The following PLEKHA7 variants were observed in gnomAD, a reference collection of about 807,000 sequenced individuals.
PLEKHA7 encodes pleckstrin homology domain containing A7.
A neutral mutation model predicts 170.0 loss-of-function variants in PLEKHA7; 104 were observed. That is an observed-to-expected ratio of 0.61 (90% CI 0.52 to 0.72). PLEKHA7 has a LOEUF of 0.72. PLEKHA7 is among the 30% of genes least tolerant of loss of function. The pLI is 0.00. For synonymous variants in PLEKHA7, 648 were observed against 660.8 expected (o/e 0.98, Z 0.30); for missense variants, 1,615 against 1,671.7 (o/e 0.97, Z 0.59).
Position 17,014,041 on chromosome 11 carries a change from G to A in PLEKHA7, c.169C>T (p.Pro57Ser), listed in dbSNP as rs1419072025. Reference sequence around the variant, plus strand: ...GTGAAGCCCTCCTCCCAGCCGCGGGGCAGGTCTGCGGAAACGCCAGAAAAG... The same window carrying A: ...GTGAAGCCCTCCTCCCAGCCGCGGGACAGGTCTGCGGAAACGCCAGAAAAG... ...NSGHMIRSDL[P>S]RGWEEGFTEE... is the part of the protein sequence containing the mutation. The change falls in exon 3 of 27, where the codon CCC becomes TCC. Residue 57 changes from proline to serine, a missense_variant. Coordinates refer to ENST00000531066, the MANE Select transcript of PLEKHA7 (RefSeq NM_001329630.2). The A allele has an allele frequency of 1.3e-6, 2 of 1,561,170 alleles. No homozygotes were observed. Among genetic ancestry groups the A allele is most frequent in the Admixed American group, 1.9e-5 (1 of 52,362 alleles).
chr11:16,992,078 C>CA (rs1864077098), intron 3 of PLEKHA7, among the ~76,000 whole-genome samples: 2 of 151,676 alleles, frequency 1.3e-5, no homozygotes, highest in African/African-American at 2.4e-5. Flanking sequence ...TCCAGGGACC[C>CA]CCCCCAGCCT....
At chr11:16,826,828 G>A (rs960786450) in intron 9 of PLEKHA7, among the ~76,000 whole-genome samples, 2 of 152,162 alleles carry the variant, frequency 1.3e-5, no homozygotes, top group Non-Finnish European at 2.9e-5. Context: ...AGGATCTTAT[G>A]CTGACCCCAC....
chr11:16,932,209 A>T (rs1481254108), intron 3 of PLEKHA7, among the ~76,000 whole-genome samples: 1 of 152,212 alleles, frequency 6.6e-6, no homozygotes, highest in Non-Finnish European at 1.5e-5. Flanking sequence ...ATGAAGATTA[A>T]ATAACAGAAT....
At chr11:16,785,278 A>G (rs1174611185) in intron 24 of PLEKHA7, among the ~76,000 whole-genome samples, 1 of 152,214 alleles carries the variant, frequency 6.6e-6, no homozygotes, top group African/African-American at 2.4e-5. Flanking sequence ...GACCTGGGGG[A>G]AAGTTTTATT....
chr11:16,878,356 T>G (rs1855466149), intron 3 of PLEKHA7, among the ~76,000 whole-genome samples: 1 of 152,190 alleles, frequency 6.6e-6, no homozygotes, highest in Non-Finnish European at 1.5e-5. Flanking sequence ...CTAGACCATG[T>G]CACCCTCCTC....
chr11:16,829,604 C>T (rs1255431308), intron 9 of PLEKHA7, among the ~76,000 whole-genome samples: 2 of 152,084 alleles, frequency 1.3e-5, no homozygotes, highest in Admixed American at 6.6e-5. Context: ...GGTGAAACCC[C>T]ATCTCTACTA....
intron 10 of PLEKHA7, among the ~76,000 whole-genome samples, chr11:16,824,627 T>C (rs1040373057): frequency 1.3e-5 from 2 of 152,236 alleles, no homozygotes; most frequent in African/African-American, 2.4e-5. Context: ...GTATCTCAAA[T>C]TGGTTTATTC....
At chr11:16,965,771 A>C (rs1174416358) in intron 3 of PLEKHA7, among the ~76,000 whole-genome samples, 1 of 152,256 alleles carries the variant, frequency 6.6e-6, no homozygotes, top group Non-Finnish European at 1.5e-5. Context: ...CATCTATGAA[A>C]TGGCAACAAA....
intron 3 of PLEKHA7, among the ~76,000 whole-genome samples, chr11:16,887,192 T>C (rs888531225): frequency 1.3e-5 from 2 of 151,966 alleles, no homozygotes; most frequent in African/African-American, 4.8e-5. Flanking sequence ...GCTTCAACAA[T>C]AGGCTAGGCC....
chr11:16,918,196 G>C (rs189255075), intron 3 of PLEKHA7, among the ~76,000 whole-genome samples: 17 of 152,280 alleles, frequency 1.1e-4, no homozygotes, highest in Admixed American at 9.8e-4. Context: ...GCAGGATAAG[G>C]GTTCTGTCAC....
intron 3 of PLEKHA7, among the ~76,000 whole-genome samples, chr11:17,007,191 T>A (rs1297450391): frequency 6.6e-6 from 1 of 152,212 alleles, no homozygotes; most frequent in Admixed American, 6.5e-5. Context: ...TGGTGGCAAC[T>A]CCTAGCATAT....
chr11:16,862,229 A>C (rs1854019709), intron 4 of PLEKHA7, among the ~76,000 whole-genome samples: 1 of 152,174 alleles, frequency 6.6e-6, no homozygotes. Context: ...AACCAGCCCA[A>C]ACAGCAGCCT....
intron 3 of PLEKHA7, among the ~76,000 whole-genome samples, chr11:16,906,445 C>T (rs1857713765): frequency 1.4e-5 from 2 of 141,436 alleles, no homozygotes; most frequent in African/African-American, 5.7e-5. Context: ...CTCAGCCTGC[C>T]GAGTGCCTGC....
intron 3 of PLEKHA7, among the ~76,000 whole-genome samples, chr11:16,982,700 C>T (rs934456267): frequency 6.6e-6 from 1 of 151,946 alleles, no homozygotes; most frequent in Non-Finnish European, 1.5e-5. Flanking sequence ...CACGACCTGA[C>T]CCAGGCACAG....
chr11:17,003,721 G>A (rs1345849386), intron 3 of PLEKHA7, among the ~76,000 whole-genome samples: 1 of 152,194 alleles, frequency 6.6e-6, no homozygotes, highest in Non-Finnish European at 1.5e-5. Context: ...TACACATGCT[G>A]TCACCCACAT....
At chr11:16,805,900 T>C (rs934452889) in intron 13 of PLEKHA7, among the ~76,000 whole-genome samples, 2 of 152,006 alleles carry the variant, frequency 1.3e-5, no homozygotes, top group African/African-American at 4.8e-5. Flanking sequence ...GGTACTTACA[T>C]CTCTTCTCTC....
At chr11:16,950,189 C>G (rs762040468) in intron 3 of PLEKHA7, among the ~76,000 whole-genome samples, 1 of 152,042 alleles carries the variant, frequency 6.6e-6, no homozygotes, top group Non-Finnish European at 1.5e-5. Flanking sequence ...GGATTTTATC[C>G]TTTGCTATAT....
At chr11:16,982,600 C>T (rs1863495150) in intron 3 of PLEKHA7, among the ~76,000 whole-genome samples, 1 of 152,172 alleles carries the variant, frequency 6.6e-6, no homozygotes. Context: ...AGCTCTAGGC[C>T]AATGTGAAAC....
At chr11:16,978,623 C>T (rs1025071655) in intron 3 of PLEKHA7, among the ~76,000 whole-genome samples, 1 of 152,194 alleles carries the variant, frequency 6.6e-6, no homozygotes, top group African/African-American at 2.4e-5. Context: ...TTTCATTAAC[C>T]AGTTCCTAAT....
Sources: gnomAD v4.1 joint callset for allele counts (sites outside exome capture counted in the v4.1 genomes callset) on GRCh38, gnomAD v4.1.1 for gene constraint, MANE v1.5 for transcripts, NCBI Gene and HGNC (gene_info 2026-07-23, HGNC 2026-07-21) for gene names.